Variants in GAREM1 observed in about 807,000 individuals in gnomAD.
The protein encoded by GAREM1 is GRB2-associated and regulator of MAPK protein 1.
Under a neutral mutation model 71.3 loss-of-function variants are expected in GAREM1, and 26 were observed. That is an observed-to-expected ratio of 0.36 (90% CI 0.27 to 0.51). The LOEUF is 0.51. Among genes scored for constraint, GAREM1 ranks in the 20% least tolerant of loss-of-function variants. The pLI, the probability that GAREM1 is intolerant of heterozygous loss-of-function variation, is 0.95. For missense variants in GAREM1, 1,026 were observed against 1,103.1 expected, an observed-to-expected ratio of 0.93 and a Z score of 0.99; for synonymous variants, 440 against 433.2, an observed-to-expected ratio of 1.02 and a Z score of -0.20.
chr18:32,426,784 A>C (rs928016878), intron 1 of GAREM1, among the ~76,000 whole-genome samples: 1 of 152,200 alleles, frequency 6.6e-6, no homozygotes, highest in African/African-American at 2.4e-5. Flanking sequence ...TTTATTCATA[A>C]GCTTGTCAAA....
chr18:32,284,861 T>G (rs1598929494), intron 4 of GAREM1, among the ~76,000 whole-genome samples: 1 of 151,670 alleles, frequency 6.6e-6, no homozygotes, highest in Admixed American at 6.6e-5. Flanking sequence ...GCCATTCTCC[T>G]GCGTCAGCCT....
At chr18:32,370,961 A>G (rs1330778726) in intron 2 of GAREM1, among the ~76,000 whole-genome samples, 2 of 152,180 alleles carry the variant, frequency 1.3e-5, no homozygotes, top group Non-Finnish European at 2.9e-5. Flanking sequence ...TAGAGATACA[A>G]AAGAAATTGT....
chr18:32,373,823 G>A (rs1159526423), intron 2 of GAREM1, among the ~76,000 whole-genome samples: 1 of 152,150 alleles, frequency 6.6e-6, no homozygotes, highest in Non-Finnish European at 1.5e-5. Flanking sequence ...AGAAGTCTCA[G>A]AATTATTTTA....
At chr18:32,379,059 C>A (rs1012087863) in intron 2 of GAREM1, among the ~76,000 whole-genome samples, 2 of 152,146 alleles carry the variant, frequency 1.3e-5, no homozygotes, top group Non-Finnish European at 2.9e-5. Context: ...TGAATCTCAA[C>A]TTCACCACCT....
chr18:32,401,985 T>C (rs1051859458), intron 1 of GAREM1, among the ~76,000 whole-genome samples: 12 of 152,182 alleles, frequency 7.9e-5, no homozygotes, highest in African/African-American at 2.9e-4. Flanking sequence ...TTATTTTAAC[T>C]GAGCTGTGTG....
intron 2 of GAREM1, among the ~76,000 whole-genome samples, chr18:32,364,026 A>ATATTTTTTTTTTTTTTTTTTT (rs1336753011): frequency 2.2e-5 from 1 of 46,418 alleles, no homozygotes. Context: ...ATATATATAT[A>ATATTTTTTTTTTTTTTTTTTT]TGTTTTTTTT....
chr18:32,416,498 C>T (rs1359458799), intron 1 of GAREM1, among the ~76,000 whole-genome samples: 1 of 152,112 alleles, frequency 6.6e-6, no homozygotes, highest in African/African-American at 2.4e-5. Context: ...GTAACCAAAA[C>T]AGCATGGTAC....
chr18:32,434,544 G>A (rs1334214118), intron 1 of GAREM1, among the ~76,000 whole-genome samples: 1 of 151,908 alleles, frequency 6.6e-6, no homozygotes, highest in East Asian at 1.9e-4. Context: ...AGTTCCCTAT[G>A]GCCAAAGCTA....
intron 1 of GAREM1, among the ~76,000 whole-genome samples, chr18:32,439,460 T>C (rs2048713023): frequency 6.6e-6 from 1 of 152,030 alleles, no homozygotes; most frequent in South Asian, 2.1e-4. Context: ...CTTAAGTCAA[T>C]TTACTTCCGA....
intron 3 of GAREM1, among the ~76,000 whole-genome samples, chr18:32,291,317 C>CAAAAAAA (rs548179742): frequency 2.6e-5 from 2 of 77,012 alleles, no homozygotes; most frequent in African/African-American, 4.3e-5. Flanking sequence ...TTTTTGTTAC[C>CAAAAAAA]AAAAAAAAAA....
At chr18:32,347,463 T>A (rs974692998) in intron 2 of GAREM1, among the ~76,000 whole-genome samples, 2 of 152,202 alleles carry the variant, frequency 1.3e-5, no homozygotes, top group African/African-American at 4.8e-5. Context: ...CCTCTAATAC[T>A]CTAGTTGGCT....
chr18:32,388,015 T>C (rs914682414), intron 2 of GAREM1, among the ~76,000 whole-genome samples: 26 of 152,242 alleles, frequency 1.7e-4, no homozygotes, highest in African/African-American at 6.3e-4. Flanking sequence ...TAGGAGAGTG[T>C]AGGAGCCTTG....
At chr18:32,359,263 T>C (rs1462185397) in intron 2 of GAREM1, among the ~76,000 whole-genome samples, 27 of 152,188 alleles carry the variant, frequency 1.8e-4, no homozygotes, top group African/African-American at 6.3e-4. Flanking sequence ...GGTGTGTATT[T>C]CTAACTCTTG....
chr18:32,290,973 C>T (rs1201876134), intron 3 of GAREM1, among the ~76,000 whole-genome samples: 1 of 152,132 alleles, frequency 6.6e-6, no homozygotes, highest in African/African-American at 2.4e-5. Flanking sequence ...ATCCAGCAAT[C>T]CTACATCTAG....
chr18:32,423,926 G>T (rs938100651), intron 1 of GAREM1, among the ~76,000 whole-genome samples: 27 of 152,134 alleles, frequency 1.8e-4, no homozygotes, highest in African/African-American at 5.1e-4. Flanking sequence ...TTGAGCCCAA[G>T]AGTCTGAGAC....
At chr18:32,415,774 T>G (rs2048460411) in intron 1 of GAREM1, among the ~76,000 whole-genome samples, 1 of 152,090 alleles carries the variant, frequency 6.6e-6, no homozygotes, top group South Asian at 2.1e-4. Flanking sequence ...ACCTACTGAA[T>G]GGGGGAAAAC....
At chr18:32,348,412 C>T (rs1330355281) in intron 2 of GAREM1, among the ~76,000 whole-genome samples, 2 of 152,104 alleles carry the variant, frequency 1.3e-5, no homozygotes, top group Non-Finnish European at 2.9e-5. Context: ...CCTAGAAAGT[C>T]AAACAAAGCC....
At chr18:32,397,361 T>C (rs1417179934) in intron 1 of GAREM1, among the ~76,000 whole-genome samples, 1 of 151,936 alleles carries the variant, frequency 6.6e-6, no homozygotes. Flanking sequence ...AACTGAAAAA[T>C]TGGATAAAGA....
chr18:32,448,495 C>T (rs1024826298), intron 1 of GAREM1, among the ~76,000 whole-genome samples: 5 of 152,130 alleles, frequency 3.3e-5, no homozygotes, highest in African/African-American at 1.2e-4. Flanking sequence ...ACTCCATAAT[C>T]GTAAAATGCA....
Sources: gnomAD v4.1 joint callset for allele counts (sites outside exome capture counted in the v4.1 genomes callset) on GRCh38, gnomAD v4.1.1 for gene constraint, MANE v1.5 for transcripts, NCBI Gene and HGNC (gene_info 2026-07-23, HGNC 2026-07-21) for gene names.